The following UPRT variants were observed in gnomAD, a reference collection of about 807,000 sequenced individuals.
UPRT encodes the protein uracil phosphoribosyltransferase homolog, also known as RP11-311P8.3.
A neutral mutation model predicts 22.6 loss-of-function variants in UPRT; 5 were observed. The ratio of observed to expected loss-of-function variants is 0.22; its 90% confidence interval spans 0.12 to 0.47. The LOEUF (loss-of-function observed/expected upper bound fraction) is 0.47. UPRT is among the 20% of genes least tolerant of loss of function. UPRT has a pLI of 0.99. For synonymous variants in UPRT, 77 were observed against 87.7 expected (o/e 0.88, Z 0.68); for missense variants, 181 against 239.9 (o/e 0.75, Z 1.62).
At chrX:75,294,027 A>T (rs1265730118) in intron 2 of UPRT, among the ~76,000 whole-genome samples, 1 of 110,750 alleles carries the variant, frequency 9.0e-6, no homozygotes, top group Non-Finnish European at 1.9e-5. Flanking sequence ...TTAAGAATTG[A>T]CCAAGCTCAA....
At position 75,293,348 on chromosome X, in the gene UPRT, G is replaced by A; in HGVS notation, c.387-124G>A. 1.0e-5 allele frequency: 6 copies of A among 592,139 alleles called. No homozygotes were observed. In the East Asian group the frequency reaches 2.1e-4, roughly 21 times the overall value. The allele number at this position is 592,139 out of a possible 1,213,427, so 48.8% of individuals were successfully genotyped here. A position where few individuals can be genotyped will look rare whatever the true frequency, so the allele number is the denominator to read the frequency against. On this transcript the variant is annotated intron_variant, in intron 1 of 6. Coordinates refer to ENST00000373383, the MANE Select transcript of UPRT (RefSeq NM_145052.4). The stretch of plus-strand genomic sequence containing the variant: ...AAGTATCTTGCCTCAGTAATAGTCT[G>A]TACATGTAAGCATTTAAGCTTTTAG...
chrX:75,284,451 A>G (rs965126445), intron 1 of UPRT, among the ~76,000 whole-genome samples: 1 of 111,725 alleles, frequency 9.0e-6, no homozygotes, highest in African/African-American at 3.3e-5. Context: ...ATCTAGGGCC[A>G]AAGGCTGTTG....
At chrX:75,161,155 A>C (rs975896662) in intron 2 of UPRT, among the ~76,000 whole-genome samples, 1 of 112,290 alleles carries the variant, frequency 8.9e-6, no homozygotes, top group South Asian at 3.7e-4. Flanking sequence ...TAAGCACTGC[A>C]CTGCACTGCA....
At chrX:75,263,555 C>T (rs184322356) in intron 4 of UPRT, among the ~76,000 whole-genome samples, 40 of 111,362 alleles carry the variant, frequency 3.6e-4, no homozygotes, top group African/African-American at 3.9e-4. Context: ...TCTGTGGGAT[C>T]GGTGGTGATA....
At chrX:75,270,641 C>A (rs1453202244), upstream of UPRT, among the ~76,000 whole-genome samples, 1 of 111,450 alleles carries the variant, frequency 9.0e-6, no homozygotes, top group Non-Finnish European at 1.9e-5. Flanking sequence ...TCATTCTCAG[C>A]AAACTAACAC....
chrX:75,274,027 A>G (rs935714348), upstream of UPRT: 1 of 385,337 alleles, frequency 2.6e-6, no homozygotes. Context: ...AGTGGCGGGG[A>G]GTGCAGCCAA....
chrX:75,202,364 T>C (rs940409301), intron 4 of UPRT, among the ~76,000 whole-genome samples: 1 of 110,325 alleles, frequency 9.1e-6, no homozygotes, highest in African/African-American at 3.3e-5. Context: ...ACTTTGGGAG[T>C]CTAAGGCAAG....
chrX:75,181,643 G>T (rs2082270550), intron 4 of UPRT, among the ~76,000 whole-genome samples: 1 of 111,526 alleles, frequency 9.0e-6, no homozygotes, highest in Non-Finnish European at 1.9e-5. Context: ...TTGGCTCTCA[G>T]CTTGGATGTT....
At chrX:75,170,413 T>A (rs1193285009) in intron 4 of UPRT, among the ~76,000 whole-genome samples, 1 of 111,820 alleles carries the variant, frequency 8.9e-6, no homozygotes, top group Non-Finnish European at 1.9e-5. Context: ...GCTTTTGGTG[T>A]CCATTTGCAT....
intron 4 of UPRT, among the ~76,000 whole-genome samples, chrX:75,264,207 G>A (rs1285525791): frequency 8.9e-6 from 1 of 111,867 alleles, no homozygotes; most frequent in Non-Finnish European, 1.9e-5. Flanking sequence ...CTGTGGATTT[G>A]GGGTGGAGAG....
rs781243509 is a variant in UPRT at position 75,296,521 on chromosome X, A to T, written c.499+110A>T. On this transcript the variant is annotated intron_variant, in intron 3 of 6. Coordinates refer to ENST00000373383, the MANE Select transcript of UPRT (RefSeq NM_145052.4). The stretch of plus-strand genomic sequence containing the variant: ...AAATAAATATGCAAAATGAAGGGCT[A>T]GGTGGAGCTATTCTTTTAAAATCTT... 9 of 597,766 alleles carry T rather than the reference A, an allele frequency of 1.5e-5. No individual in the cohort carries two copies. In the East Asian group the frequency reaches 3.1e-4, roughly 20 times the overall value. The allele number at this position is 597,766 out of a possible 1,213,427, so 49.3% of individuals were successfully genotyped here.
chrX:75,269,491 C>T (rs1222767115), upstream of UPRT, among the ~76,000 whole-genome samples: 1 of 111,386 alleles, frequency 9.0e-6, no homozygotes, highest in Non-Finnish European at 1.9e-5. Flanking sequence ...ATCATGCTAC[C>T]TGACTTCAAA....
chrX:75,289,100 G>A (rs927402593), intron 1 of UPRT, among the ~76,000 whole-genome samples: 1 of 110,875 alleles, frequency 9.0e-6, no homozygotes, highest in Non-Finnish European at 1.9e-5. Flanking sequence ...GCTGGGCATG[G>A]TGGCTCGCCA....
intron 4 of UPRT, among the ~76,000 whole-genome samples, chrX:75,175,720 T>C (rs768245446): frequency 1.8e-5 from 2 of 111,753 alleles, no homozygotes; most frequent in East Asian, 5.7e-4. Flanking sequence ...TTGTTTCTCA[T>C]TGGACAATCT....
intron 2 of UPRT, chrX:75,294,702 A>G (rs2082719867): frequency 1.6e-6 from 1 of 622,884 alleles, no homozygotes. Context: ...AGATAGTAAC[A>G]AGATAAATGT....
chrX:75,242,945 T>C (rs1327228849), intron 4 of UPRT, among the ~76,000 whole-genome samples: 1 of 111,770 alleles, frequency 8.9e-6, no homozygotes, highest in Non-Finnish European at 1.9e-5. Context: ...TACATGCAAA[T>C]GGTTTGCTGT....
intron 4 of UPRT, among the ~76,000 whole-genome samples, chrX:75,219,420 A>T (rs780544043): frequency 8.9e-6 from 1 of 112,325 alleles, no homozygotes; most frequent in South Asian, 3.7e-4. Context: ...TCATTCTTAG[A>T]TGTAGACAAC....
chrX:75,205,805 G>A lies in UPRT; in HGVS notation c.-447+37926G>A, dbSNP rs190167105. Among the ~76,000 whole-genome samples the A allele has an allele frequency of 3.2e-4, 36 of 111,612 alleles. 1 individual carries two copies. Among genetic ancestry groups the A allele is most frequent in the Admixed American group, 2.9e-3 (30 of 10,518 alleles). On this transcript the variant is annotated intron_variant, in intron 4 of 13. Coordinates refer to the UPRT transcript ENST00000652605. ...GCTGTCTTATTAGATGTTGAGTGAG[G>A]TGTAATGCCAGCCAAGTATCCTGTA... is the stretch of plus-strand genomic sequence containing the variant.
intron 4 of UPRT, among the ~76,000 whole-genome samples, chrX:75,204,103 G>A (rs1349965051): frequency 1.8e-5 from 2 of 109,565 alleles, no homozygotes; most frequent in African/African-American, 3.3e-5. Context: ...GCCTGGACAA[G>A]GGAGTTCAGC....
Sources: gnomAD v4.1 joint callset for allele counts (sites outside exome capture counted in the v4.1 genomes callset) on GRCh38, gnomAD v4.1.1 for gene constraint, MANE v1.5 for transcripts, NCBI Gene and HGNC (gene_info 2026-07-23, HGNC 2026-07-21) for gene names.